The following ZNF280D variants were observed in gnomAD, a reference collection of about 807,000 sequenced individuals.
ZNF280D encodes suppressor of hairy wing homolog 4.
Under a neutral mutation model 94.7 loss-of-function variants are expected in ZNF280D, and 39 were observed. That is an observed-to-expected ratio of 0.41 (90% CI 0.32 to 0.54). ZNF280D has a LOEUF of 0.54. Among genes scored for constraint, ZNF280D ranks in the 20% least tolerant of loss-of-function variants. The pLI is 0.22. For synonymous variants in ZNF280D, 398 were observed against 377.6 expected (o/e 1.05, Z -0.63); for missense variants, 1,090 against 1,149.3 (o/e 0.95, Z 0.75).
At chr15:56,643,872 T>C (rs552344267) in intron 19 of ZNF280D, among the ~76,000 whole-genome samples, 1 of 151,942 alleles carries the variant, frequency 6.6e-6, no homozygotes, top group South Asian at 2.1e-4. Flanking sequence ...AAGCAGCAAC[T>C]ATATTATCTT....
intron 16 of ZNF280D, among the ~76,000 whole-genome samples, chr15:56,664,227 A>G (rs1437322323): frequency 6.6e-6 from 1 of 152,212 alleles, no homozygotes; most frequent in East Asian, 1.9e-4. Flanking sequence ...AGGTGGGGGC[A>G]ATACTCAAAA....
Position 56,669,870 on chromosome 15 carries a change from ATTT to A in ZNF280D, c.1411-916_1411-914del, listed in dbSNP as rs34290633. On this transcript the variant is annotated intron_variant, in intron 13 of 21. Transcript: ENST00000267807. Reference sequence around the variant, plus strand: ...CCCTCATTATTTTATATATATATATATTTTATATATATATATATTATATATATA... The same window carrying A: ...CCCTCATTATTTTATATATATATATATATATATATATATATTATATATATA... Among the ~76,000 whole-genome samples the A allele has an allele frequency of 1.9e-3, 21 of 11,182 alleles. 7 individuals carry two copies. The highest frequency in any genetic ancestry group is 4.1e-3 in the African/African-American group (18 of 4,412). 7.3% of individuals were successfully genotyped at this position (11,182 alleles called of 152,430 possible). A position where few individuals can be genotyped will look rare whatever the true frequency, so the allele number is the denominator to read the frequency against.
chr15:56,705,156 G>C (rs541852615), intron 3 of ZNF280D, among the ~76,000 whole-genome samples: 1 of 152,012 alleles, frequency 6.6e-6, no homozygotes, highest in African/African-American at 2.4e-5. Flanking sequence ...CCAAAAAAAA[G>C]GCCTTCCCAT....
At chr15:56,697,606 GTAC>G (rs1428063959) in intron 6 of ZNF280D, among the ~76,000 whole-genome samples, 1 of 152,254 alleles carries the variant, frequency 6.6e-6, no homozygotes, top group Admixed American at 6.5e-5. Context: ...TTAGGAAAAT[GTAC>G]TACTATTTTT....
intron 19 of ZNF280D, among the ~76,000 whole-genome samples, chr15:56,647,073 G>A (rs1254729253): frequency 5.3e-5 from 8 of 152,194 alleles, no homozygotes; most frequent in African/African-American, 1.9e-4. Flanking sequence ...TGATTGCCAT[G>A]CTAAAGTGTT....
rs1790917557 is a variant in ZNF280D at position 56,630,649 on chromosome 15, C to A, written c.*849G>T. 2 of 152,040 alleles carry A rather than the reference C, an allele frequency of 1.3e-5. No individual in the cohort carries two copies. The allele number at this position is 152,040 out of a possible 1,614,324, so 9.4% of individuals were successfully genotyped here. A position where few individuals can be genotyped will look rare whatever the true frequency, so the allele number is the denominator to read the frequency against. ...CCAGACCATTTTTATGGGCCTATTT[C>A]TAAGGAAGATCATTAAAACAATATT... On this transcript the variant is annotated 3_prime_UTR_variant, in exon 22 of 22. Coordinates refer to ENST00000267807, the MANE Select transcript of ZNF280D (RefSeq NM_017661.4).
rs112973482 is a variant in ZNF280D at position 56,701,671 on chromosome 15, C to G, written c.176-433G>C. On this transcript the variant is annotated intron_variant, in intron 4 of 21. Transcript: ENST00000267807. ...CAGTCAGGTTCCTATGATTCAAAAT[C>G]AAATCCTTGCCCAACCTCTACACTG... Among the ~76,000 whole-genome samples, 185 of 152,134 alleles carry G rather than the reference C, an allele frequency of 1.2e-3. 5 individuals are homozygous for G. The highest frequency in any genetic ancestry group is 4.3e-3 in the African/African-American group (180 of 41,500).
chr15:56,639,572 A>G (rs1178119732), intron 20 of ZNF280D, among the ~76,000 whole-genome samples: 3 of 152,176 alleles, frequency 2.0e-5, no homozygotes, highest in African/African-American at 7.2e-5. Flanking sequence ...TAACCTAAAT[A>G]CCAAGAAACT....
chr15:56,654,743 T>C (rs778335244), intron 17 of ZNF280D: 1 of 540,658 alleles, frequency 1.8e-6, no homozygotes, highest in South Asian at 1.5e-5. Context: ...GTCATACCAA[T>C]TGTTAAAAGT....
At position 56,668,820 on chromosome 15, in the gene ZNF280D, C is replaced by T; in HGVS notation, c.1545+3G>A. 6.3e-7 allele frequency: 1 copy of T among 1,594,914 alleles called. No individual in the cohort carries two copies. ...TGTTAAAATACAATATATTTTAACT[C>T]ACTTTTGTTCCAGGAGGCAATCCTT... On this transcript the variant is annotated splice_donor_region_variant and intron_variant, in intron 14 of 21. Coordinates refer to ENST00000267807, the MANE Select transcript of ZNF280D (RefSeq NM_017661.4).
chr15:56,662,704 A>T (rs1479396058), intron 16 of ZNF280D, among the ~76,000 whole-genome samples: 2 of 151,804 alleles, frequency 1.3e-5, no homozygotes, highest in East Asian at 3.9e-4. Flanking sequence ...GGCACCTGTA[A>T]TCACAGCTAC....
intron 1 of ZNF280D, among the ~76,000 whole-genome samples, chr15:56,725,829 CTAAG>C: frequency 6.6e-6 from 1 of 151,102 alleles, no homozygotes. Context: ...AAAAAAAAAA[CTAAG>C]TATTTATCGA....
chr15:56,648,254 G>A (rs2053013896), intron 19 of ZNF280D, among the ~76,000 whole-genome samples: 1 of 151,996 alleles, frequency 6.6e-6, no homozygotes, highest in Admixed American at 6.6e-5. Flanking sequence ...TAAAAGACCA[G>A]TTTATACCAT....
intron 20 of ZNF280D, among the ~76,000 whole-genome samples, chr15:56,640,541 A>C (rs562415140): frequency 6.6e-6 from 1 of 152,258 alleles, no homozygotes; most frequent in Non-Finnish European, 1.5e-5. Context: ...TATTTATGCC[A>C]AAAACAGTAT....
At chr15:56,653,763 G>A in intron 19 of ZNF280D, 2 of 1,267,044 alleles carry the variant, frequency 1.6e-6, no homozygotes, top group Non-Finnish European at 2.0e-6. Context: ...AAGTACAGCA[G>A]AGAAAAACAA....
At chr15:56,726,878 G>C (rs189840897) in intron 1 of ZNF280D, among the ~76,000 whole-genome samples, 22 of 152,124 alleles carry the variant, frequency 1.4e-4, no homozygotes, top group Non-Finnish European at 2.1e-4. Context: ...ACTATGAAAA[G>C]ACAGATTCAC....
At position 56,689,386 on chromosome 15, in the gene ZNF280D, T is replaced by C. The variant is rs1365587616; in HGVS notation, c.584A>G (p.Glu195Gly). ...NVNPKKPKPS[E>G]SVSGANSSAV... is the part of the protein sequence containing the mutation. Reference sequence around the variant, plus strand: ...TGAGGAATTTGCTCCAGAAACACTTTCGCTGGGTTTAGGCTTCTTTGGATT... The same window carrying C: ...TGAGGAATTTGCTCCAGAAACACTTCCGCTGGGTTTAGGCTTCTTTGGATT... The change falls in exon 8 of 22, where the codon GAA becomes GGA. Residue 195 changes from glutamate (E) to glycine (G), a missense_variant. Glu to Gly is a moderately conservative substitution (Grantham distance 98, BLOSUM62 -2). Transcript: ENST00000267807. 6.2e-7 allele frequency: 1 copy of C among 1,610,338 alleles called. No individual in the cohort carries two copies. Among genetic ancestry groups the C allele is most frequent in the South Asian group, 1.1e-5 (1 of 90,216 alleles).
Position 56,631,942 on chromosome 15 carries a change from A to G in ZNF280D, c.2496T>C (p.Gly832=). 6.2e-7 allele frequency: 1 copy of G among 1,613,896 alleles called. No individual in the cohort carries two copies. The highest frequency in any genetic ancestry group is 8.5e-7 in the Non-Finnish European group (1 of 1,180,000). Residue 832 remains glycine, a synonymous_variant, in exon 22 of 22, where the codon GGT becomes GGC. Transcript: ENST00000267807. ...GTTTTTTCTTTTCCACTTTATCTGCACCAATATTTGAATCACAACTGACGA... is the reference window on the plus strand; with the variant it reads ...GTTTTTTCTTTTCCACTTTATCTGCGCCAATATTTGAATCACAACTGACGA... ...KNIVSCDSNI[G]ADKVEKKKQI... is the part of the protein sequence containing the mutation.
rs1285757307 is a variant in ZNF280D, at chr15:56,631,063, C to G, written c.*435G>C. 6.3e-6 allele frequency: 1 copy of G among 159,088 alleles called. No homozygotes were observed. The highest frequency in any genetic ancestry group is 1.8e-4 in the East Asian group (1 of 5,578). 9.9% of individuals were successfully genotyped at this position (159,088 alleles called of 1,614,324 possible). ...ATCAGCCATTGTTTTTAATCAATTA[C>G]TCCCCAAAAGTACATGGTTTCCAAA... On this transcript the variant is annotated 3_prime_UTR_variant, in exon 22 of 22. Transcript: ENST00000267807.
Sources: allele counts gnomAD v4.1 joint callset (sites outside exome capture counted in the v4.1 genomes callset), GRCh38; gene constraint gnomAD v4.1.1; transcripts MANE v1.5; gene names NCBI Gene and HGNC (gene_info 2026-07-23, HGNC 2026-07-21).